Variants in SNAP25 observed in about 807,000 individuals in gnomAD.
SNAP25 encodes the protein synaptosome associated protein 25, also known as synaptosomal-associated protein 25.
SNAP25 carries 3 observed loss-of-function variants against 28.7 expected under a neutral mutation model. That is an observed-to-expected ratio of 0.10 (90% confidence interval 0.05 to 0.27). The LOEUF is 0.27. SNAP25 is among the 10% of genes least tolerant of loss of function. The pLI is 1.00. For synonymous variants in SNAP25, 61 were observed against 88.1 expected (o/e 0.69, Z 1.72); for missense variants, 117 against 278.7 (o/e 0.42, Z 4.13).
rs529081760 is a variant in SNAP25, at chr20:10,264,706, C to T, written c.-63-10723C>T. Reference sequence around the variant, plus strand: ...ACCCTTATGGGAAACCAGAGTTTCCCACTGGATCCTTGCAAAGACCTTCAG... The same window carrying T: ...ACCCTTATGGGAAACCAGAGTTTCCTACTGGATCCTTGCAAAGACCTTCAG... On this transcript the variant is annotated intron_variant, in intron 1 of 7. Coordinates refer to ENST00000254976, the MANE Select transcript of SNAP25 (RefSeq NM_130811.4). 2.6e-5 allele frequency among the ~76,000 whole-genome samples: 4 copies of T among 152,252 alleles called. No homozygotes were observed. In the South Asian group the frequency reaches 8.3e-4, roughly 32 times the overall value.
intron 1 of SNAP25, among the ~76,000 whole-genome samples, chr20:10,267,556 CTTTG>C (rs1288843336): frequency 9.3e-5 from 14 of 150,342 alleles, no homozygotes; most frequent in Admixed American, 6.6e-4. Context: ...TTGTTTGTTT[CTTTG>C]TTTGTTTTTT....
rs943161951 is a variant in SNAP25, at chr20:10,275,461, C to T, written c.-31C>T. 6.3e-7 allele frequency: 1 copy of T among 1,580,362 alleles called. No homozygotes were observed. The highest frequency in any genetic ancestry group is 1.3e-5 in the African/African-American group (1 of 74,564). ...GCCAAACCCGTCACTGACCCCCCAG[C>T]CCAGGCGCCCAGCCACTCCCCACCG... is the stretch of plus-strand genomic sequence containing the variant. On this transcript the variant is annotated 5_prime_UTR_variant, in exon 2 of 8. Transcript: ENST00000254976.
At chr20:10,278,987 C>T (rs1030242385) in intron 3 of SNAP25, among the ~76,000 whole-genome samples, 11 of 152,050 alleles carry the variant, frequency 7.2e-5, no homozygotes, top group Non-Finnish European at 1.3e-4. Flanking sequence ...AATGATAATT[C>T]GAGCCTGCAA....
chr20:10,304,385 A>AC (rs1420653262), intron 7 of SNAP25, among the ~76,000 whole-genome samples: 2 of 151,984 alleles, frequency 1.3e-5, no homozygotes, highest in African/African-American at 4.8e-5. Flanking sequence ...AAATTTTTTG[A>AC]CTCCCCCAAA....
In SNAP25 at chr20:10,306,549, A is replaced by C. The variant is rs2122123944; in HGVS notation, c.*352A>C. The C allele has an allele frequency of 5.7e-6, 1 of 176,808 alleles. No individual in the cohort carries two copies. Among genetic ancestry groups the C allele is most frequent in the Middle Eastern group, 2.3e-3 (1 of 426 alleles). 11.0% of individuals were successfully genotyped at this position (176,808 alleles called of 1,614,324 possible). A position where few individuals can be genotyped will look rare whatever the true frequency, so the allele number is the denominator to read the frequency against. ...TTCAATCCACAGTATTGTTCTTGTAAAACTGTGACATTCCACAGAGTTACT... is the reference window on the plus strand; with the variant it reads ...TTCAATCCACAGTATTGTTCTTGTACAACTGTGACATTCCACAGAGTTACT... On this transcript the variant is annotated 3_prime_UTR_variant, in exon 8 of 8. Coordinates refer to ENST00000254976, the MANE Select transcript of SNAP25 (RefSeq NM_130811.4).
chr20:10,255,780 C>T (rs1054460668), intron 1 of SNAP25, among the ~76,000 whole-genome samples: 1 of 152,172 alleles, frequency 6.6e-6, no homozygotes, highest in African/African-American at 2.4e-5. Flanking sequence ...GTTAATATGG[C>T]TTTGATAACT....
chr20:10,256,828 A>G (rs1312306728), intron 1 of SNAP25, among the ~76,000 whole-genome samples: 1 of 152,196 alleles, frequency 6.6e-6, no homozygotes, highest in Non-Finnish European at 1.5e-5. Context: ...AGCCAAATAA[A>G]TCTTAATATG....
At chr20:10,300,356 T>A (rs2060759074) in intron 7 of SNAP25, among the ~76,000 whole-genome samples, 1 of 152,196 alleles carries the variant, frequency 6.6e-6, no homozygotes, top group South Asian at 2.1e-4. Context: ...TCTTGAATAT[T>A]GATTACAAAC....
chr20:10,268,001 T>C (rs925670616), intron 1 of SNAP25, among the ~76,000 whole-genome samples: 2 of 152,204 alleles, frequency 1.3e-5, no homozygotes, highest in Non-Finnish European at 2.9e-5. Flanking sequence ...TGTTTCATAA[T>C]CTCAAAGTGG....
intron 7 of SNAP25, among the ~76,000 whole-genome samples, chr20:10,305,389 A>G (rs2064330963): frequency 6.6e-6 from 1 of 152,198 alleles, no homozygotes; most frequent in Non-Finnish European, 1.5e-5. Flanking sequence ...AAAAAATAGA[A>G]AAATTAGCCA....
intron 7 of SNAP25, among the ~76,000 whole-genome samples, chr20:10,303,267 T>A (rs963513698): frequency 6.6e-6 from 1 of 152,130 alleles, no homozygotes; most frequent in Non-Finnish European, 1.5e-5. Context: ...CATTTTCCAA[T>A]TGAGAAACCT....
chr20:10,227,393 A>T (rs2122639052), intron 1 of SNAP25, among the ~76,000 whole-genome samples: 1 of 152,248 alleles, frequency 6.6e-6, no homozygotes, highest in South Asian at 2.1e-4. Flanking sequence ...AAGTGAGCGA[A>T]TGGGGATACC....
chr20:10,233,134 C>T (rs112044902), intron 1 of SNAP25, among the ~76,000 whole-genome samples: 257 of 152,270 alleles, frequency 1.7e-3, no homozygotes, highest in Middle Eastern at 3.4e-3. Context: ...CTCTGGTTCA[C>T]GTCTTTCCTC....
chr20:10,225,679 T>TA (rs2062723481), intron 1 of SNAP25, among the ~76,000 whole-genome samples: 1 of 152,188 alleles, frequency 6.6e-6, no homozygotes, highest in Non-Finnish European at 1.5e-5. Flanking sequence ...CATTGTGTCT[T>TA]AATCTTCCAA....
At chr20:10,300,030 C>T (rs183205623) in intron 7 of SNAP25, among the ~76,000 whole-genome samples, 1 of 152,240 alleles carries the variant, frequency 6.6e-6, no homozygotes, top group African/African-American at 2.4e-5. Context: ...TCAAAAATAT[C>T]CAGGTTCCAT....
At chr20:10,241,834 A>C (rs1343605680) in intron 1 of SNAP25, among the ~76,000 whole-genome samples, 1 of 152,176 alleles carries the variant, frequency 6.6e-6, no homozygotes, top group East Asian at 1.9e-4. Flanking sequence ...CAGCCTGCAG[A>C]GGAGACTGGC....
chr20:10,285,751 C>T (rs1328130080), intron 4 of SNAP25, among the ~76,000 whole-genome samples: 1 of 152,054 alleles, frequency 6.6e-6, no homozygotes, highest in Non-Finnish European at 1.5e-5. Context: ...AGAGCCCTTG[C>T]ATATCAAAGA....
chr20:10,272,926 T>C (rs1375132655), intron 1 of SNAP25, among the ~76,000 whole-genome samples: 1 of 152,216 alleles, frequency 6.6e-6, no homozygotes, highest in Non-Finnish European at 1.5e-5. Context: ...CACTTTAGGA[T>C]TCCTTCTAAG....
rs1416852878 is a variant in SNAP25, at chr20:10,301,858, C to CTATATATATTATATAATATATAA, written c.552+2461_552+2483dup. 9.2e-4 allele frequency among the ~76,000 whole-genome samples: 131 copies of CTATATATATTATATAATATATAA among 142,004 alleles called. 2 individuals are homozygous for CTATATATATTATATAATATATAA. Among genetic ancestry groups the CTATATATATTATATAATATATAA allele is most frequent in the South Asian group, 5.9e-3 (27 of 4,566 alleles). The allele number at this position is 142,004 out of a possible 152,430, so 93.2% of individuals were successfully genotyped here. A position where few individuals can be genotyped will look rare whatever the true frequency, so the allele number is the denominator to read the frequency against. ...TAACCTTATATATATAAATAAATAA[C>CTATATATATTATATAATATATAA]TATATATATTATATAATATATAATA... On this transcript the variant is annotated intron_variant, in intron 7 of 7. Transcript: ENST00000254976.
Sources: allele counts gnomAD v4.1 joint callset (sites outside exome capture counted in the v4.1 genomes callset), GRCh38; gene constraint gnomAD v4.1.1; transcripts MANE v1.5; gene names NCBI Gene and HGNC (gene_info 2026-07-23, HGNC 2026-07-21).